The following FAM222B variants were observed in gnomAD, a reference collection of about 807,000 sequenced individuals.
The protein encoded by FAM222B is protein FAM222B.
A neutral mutation model predicts 38.0 loss-of-function variants in FAM222B; 12 were observed. The ratio of observed to expected loss-of-function variants is 0.32; its 90% CI spans 0.20 to 0.51. The LOEUF (loss-of-function observed/expected upper bound fraction) is 0.51, where lower values mean the gene tolerates loss of function less well. Ranked by LOEUF, FAM222B falls within the 20% of genes least tolerant of loss-of-function variation. The pLI is 0.97. For synonymous variants in FAM222B, 329 were observed against 317.2 expected (o/e 1.04, Z -0.40); for missense variants, 716 against 754.2 (o/e 0.95, Z 0.59).
At chr17:28,786,927 CAG>C (rs1295995604) in intron 1 of FAM222B, among the ~76,000 whole-genome samples, 1 of 102,882 alleles carries the variant, frequency 9.7e-6, no homozygotes, top group Non-Finnish European at 1.8e-5. Flanking sequence ...TTTTTTGAGA[CAG>C]AGTCTCGCTC....
intron 1 of FAM222B, chr17:28,802,620 C>T: frequency 5.9e-6 from 1 of 169,912 alleles, no homozygotes. Flanking sequence ...GAGATGAGGA[C>T]CCCAGATGCA....
chr17:28,831,985 C>T lies in FAM222B; in HGVS notation c.-41+10697G>A, dbSNP rs532842844. 3.3e-5 allele frequency among the ~76,000 whole-genome samples: 5 copies of T among 152,140 alleles called. No homozygotes were observed. The South Asian group carries it at 1.0e-3, about 32-fold the overall frequency. On this transcript the variant is annotated intron_variant, in intron 1 of 2. Transcript: ENST00000581407. ...AGGGCAGATCACAAGGTGATGAGAT[C>T]GAGACCATCCTGGCTAACACGGTGA...
At chr17:28,772,499 C>T (rs1167316008) in intron 1 of FAM222B, among the ~76,000 whole-genome samples, 21 of 143,358 alleles carry the variant, frequency 1.5e-4, no homozygotes, top group Non-Finnish European at 1.3e-4. Context: ...CCGAGGCGGG[C>T]GGATCACGAG....
intron 2 of FAM222B, among the ~76,000 whole-genome samples, chr17:28,765,402 G>T (rs1225853768): frequency 6.6e-6 from 1 of 152,176 alleles, no homozygotes; most frequent in Non-Finnish European, 1.5e-5. Context: ...TTGAGTAGAT[G>T]CAACAGAGAC....
intron 1 of FAM222B, among the ~76,000 whole-genome samples, chr17:28,848,334 C>G (rs1399284300): frequency 1.3e-5 from 2 of 152,118 alleles, no homozygotes; most frequent in Non-Finnish European, 2.9e-5. Flanking sequence ...TTGTGTGCTC[C>G]TTGCCTGGGG....
chr17:28,843,117 C>T (rs1376988783), upstream of FAM222B, among the ~76,000 whole-genome samples: 1 of 151,450 alleles, frequency 6.6e-6, no homozygotes, highest in Non-Finnish European at 1.5e-5. Context: ...TCTGAGGTGA[C>T]CACTGATGAT....
intron 1 of FAM222B, among the ~76,000 whole-genome samples, chr17:28,778,507 C>T (rs72848908): frequency 0.02 from 2,894 of 145,990 alleles, 48 homozygotes; most frequent in Non-Finnish European, 0.029. Context: ...CCCCCACCCC[C>T]GCTTTTTTTT....
chr17:28,831,635 T>C (rs912085533), intron 1 of FAM222B, among the ~76,000 whole-genome samples: 2 of 151,412 alleles, frequency 1.3e-5, no homozygotes, highest in Non-Finnish European at 2.9e-5. Context: ...GCCTCCAAAG[T>C]ACCTGGGATT....
chr17:28,809,849 G>C (rs1452399568), intron 1 of FAM222B, among the ~76,000 whole-genome samples: 1 of 152,060 alleles, frequency 6.6e-6, no homozygotes, highest in African/African-American at 2.4e-5. Flanking sequence ...ATAAAAAAGT[G>C]AGTGAAGTAT....
chr17:28,763,139 G>A (rs916657309), intron 2 of FAM222B, among the ~76,000 whole-genome samples: 1 of 152,156 alleles, frequency 6.6e-6, no homozygotes, highest in Non-Finnish European at 1.5e-5. Context: ...GAAATCTGTA[G>A]TTTGTAAAGG....
At chr17:28,787,360 C>G (rs892180475) in intron 1 of FAM222B, among the ~76,000 whole-genome samples, 1 of 152,160 alleles carries the variant, frequency 6.6e-6, no homozygotes, top group Admixed American at 6.5e-5. Context: ...TTCTCCTCCC[C>G]CAGCCTGAGT....
chr17:28,790,884 CTTT>C (rs60664262), intron 1 of FAM222B, among the ~76,000 whole-genome samples: 1,327 of 85,080 alleles, frequency 0.016, 140 homozygotes, highest in Admixed American at 0.041. Context: ...AATTGTTTCA[CTTT>C]TTTTTTTTTT....
intron 1 of FAM222B, among the ~76,000 whole-genome samples, chr17:28,794,040 C>T (rs1039829740): frequency 1.3e-5 from 2 of 151,888 alleles, no homozygotes; most frequent in African/African-American, 4.8e-5. Context: ...TAAGCCACGG[C>T]TCCCGGCTCA....
chr17:28,778,343 G>A (rs773359075), intron 1 of FAM222B, among the ~76,000 whole-genome samples: 8 of 151,894 alleles, frequency 5.3e-5, no homozygotes, highest in East Asian at 1.9e-4. Flanking sequence ...GAGAACATGC[G>A]GTGTTTGGTT....
intron 1 of FAM222B, among the ~76,000 whole-genome samples, chr17:28,816,930 C>T (rs1334303223): frequency 1.3e-5 from 2 of 152,056 alleles, no homozygotes; most frequent in African/African-American, 2.4e-5. Flanking sequence ...TCAGACACTA[C>T]AGGGGAGTAT....
intron 2 of FAM222B, among the ~76,000 whole-genome samples, chr17:28,764,695 C>T (rs1397792201): frequency 6.6e-6 from 1 of 151,580 alleles, no homozygotes; most frequent in Non-Finnish European, 1.5e-5. Flanking sequence ...TGCGTTGAGC[C>T]GAGATCACGC....
chr17:28,791,817 G>A (rs981900420), intron 1 of FAM222B, among the ~76,000 whole-genome samples: 4 of 150,992 alleles, frequency 2.6e-5, no homozygotes, highest in African/African-American at 4.9e-5. Context: ...GTGTCACCAC[G>A]CCCAGCTAAT....
chr17:28,830,262 C>G (rs1242334888), intron 1 of FAM222B, among the ~76,000 whole-genome samples: 3 of 150,836 alleles, frequency 2.0e-5, no homozygotes, highest in South Asian at 4.2e-4. Context: ...CCCAGGTTTA[C>G]GCCATTCTCC....
In FAM222B at chr17:28,756,445, AG is replaced by A. The variant is rs2034696993; in HGVS notation, c.*1824del. 6.6e-6 allele frequency: 1 copy of A among 152,460 alleles called. No individual in the cohort carries two copies. Among genetic ancestry groups the A allele is most frequent in the African/African-American group, 2.4e-5 (1 of 41,398 alleles). 9.4% of individuals were successfully genotyped at this position (152,460 alleles called of 1,614,324 possible). A position where few individuals can be genotyped will look rare whatever the true frequency, so the allele number is the denominator to read the frequency against. On this transcript the variant is annotated 3_prime_UTR_variant, in exon 3 of 3. Transcript: ENST00000581407. ...CACCTTTCAGGGAGAGGTATTGGGGAGGAAAAAAAAATACAGCAAGAATATC... is the reference window on the plus strand; with the variant it reads ...CACCTTTCAGGGAGAGGTATTGGGGAGAAAAAAAAATACAGCAAGAATATC...
Sources: allele counts gnomAD v4.1 joint callset (sites outside exome capture counted in the v4.1 genomes callset), GRCh38; gene constraint gnomAD v4.1.1; transcripts MANE v1.5; gene names NCBI Gene and HGNC (gene_info 2026-07-23, HGNC 2026-07-21).